The following CPXM2 variants were observed in gnomAD, a reference collection of about 807,000 sequenced individuals.
CPXM2 encodes carboxypeptidase X, M14 family member 2.
A neutral mutation model predicts 86.1 loss-of-function variants in CPXM2; 66 were observed. That is an observed-to-expected ratio of 0.77 (90% CI 0.63 to 0.94). The LOEUF is 0.94. Among genes scored for constraint, CPXM2 ranks in the 40% least tolerant of loss-of-function variants. CPXM2 has a pLI of 0.00. For synonymous variants in CPXM2, 388 were observed against 400.2 expected, an observed-to-expected ratio of 0.97 and a Z score of 0.36; for missense variants, 948 against 1,026.3, an observed-to-expected ratio of 0.92 and a Z score of 1.04.
At chr10:123,795,221 T>C (rs1014721191) in intron 6 of CPXM2, among the ~76,000 whole-genome samples, 5 of 152,162 alleles carry the variant, frequency 3.3e-5, no homozygotes, top group Non-Finnish European at 7.3e-5. Flanking sequence ...AAACTGACAG[T>C]CTGTACCCAC....
At chr10:123,932,625 C>G (rs1438634572) in intron 2 of CPXM2, among the ~76,000 whole-genome samples, 3 of 152,228 alleles carry the variant, frequency 2.0e-5, no homozygotes, top group Non-Finnish European at 4.4e-5. Flanking sequence ...CAAACTCACT[C>G]AACAGCATCT....
chr10:123,862,682 A>G lies in CPXM2; in HGVS notation c.445T>C (p.Phe149Leu), dbSNP rs1297043986. Residue 149 changes from phenylalanine to leucine, a missense_variant, in exon 3 of 14, where the codon TTC (phenylalanine) becomes CTC (leucine). Phe to Leu is a conservative substitution (Grantham distance 22). Coordinates refer to ENST00000241305, the MANE Select transcript of CPXM2 (RefSeq NM_198148.3). The part of the protein sequence containing the change: ...LGLETLKITD[F>L]QLHASTVKRY... ...TTCACCGTGGAGGCATGGAGCTGGA[A>G]GTCTGTGATTTTTAAGGTTTCCAGA... 6.2e-7 allele frequency: 1 copy of G among 1,614,006 alleles called. No homozygotes were observed. Among genetic ancestry groups the G allele is most frequent in the South Asian group, 1.1e-5 (1 of 91,066 alleles).
At chr10:123,769,667 G>A (rs1322658737) in intron 8 of CPXM2, 2 of 152,230 alleles carry the variant, frequency 1.3e-5, no homozygotes, top group Non-Finnish European at 2.9e-5. Context: ...CAGAGAACTA[G>A]CCAGGCACTT....
At chr10:123,899,836 G>A (rs886455438) in intron 2 of CPXM2, among the ~76,000 whole-genome samples, 1 of 152,100 alleles carries the variant, frequency 6.6e-6, no homozygotes, top group Non-Finnish European at 1.5e-5. Context: ...AATAGAAAGT[G>A]TATAAACATA....
At chr10:123,832,831 A>C (rs1343901089) in intron 4 of CPXM2, among the ~76,000 whole-genome samples, 1 of 151,896 alleles carries the variant, frequency 6.6e-6, no homozygotes, top group Admixed American at 6.6e-5. Flanking sequence ...CTGTCTAAAA[A>C]AAAAAAGAAG....
chr10:123,902,404 T>G (rs1250432579), intron 2 of CPXM2, among the ~76,000 whole-genome samples: 1 of 152,214 alleles, frequency 6.6e-6, no homozygotes, highest in African/African-American at 2.4e-5. Flanking sequence ...TGGTGAGAAT[T>G]TAATAAAATA....
intron 4 of CPXM2, among the ~76,000 whole-genome samples, chr10:123,809,838 T>C (rs752807552): frequency 1.3e-5 from 2 of 151,872 alleles, no homozygotes; most frequent in Non-Finnish European, 2.9e-5. Flanking sequence ...ATCAGCATAA[T>C]GGAAAAACCA....
intron 4 of CPXM2, among the ~76,000 whole-genome samples, chr10:123,812,319 G>C (rs1847711657): frequency 6.6e-6 from 1 of 152,130 alleles, no homozygotes; most frequent in Admixed American, 6.5e-5. Flanking sequence ...ATGTTGAGTG[G>C]AAAAAGACAA....
chr10:123,838,706 T>C (rs966348084), intron 4 of CPXM2, among the ~76,000 whole-genome samples: 2 of 152,174 alleles, frequency 1.3e-5, no homozygotes, highest in African/African-American at 2.4e-5. Context: ...CACGCTTAAC[T>C]AGAAAACTCA....
intron 2 of CPXM2, among the ~76,000 whole-genome samples, chr10:123,866,340 G>A (rs1848979262): frequency 1.3e-5 from 2 of 152,124 alleles, no homozygotes; most frequent in South Asian, 2.1e-4. Context: ...GAGGCAGGTG[G>A]ATCAATTGAG....
At chr10:123,751,789 G>A in intron 13 of CPXM2, 1 of 985,428 alleles carries the variant, frequency 1.0e-6, no homozygotes. Flanking sequence ...GAAAGATTCT[G>A]AAACAGAACA....
intron 13 of CPXM2, among the ~76,000 whole-genome samples, chr10:123,747,851 G>A (rs531952219): frequency 2.6e-4 from 39 of 151,470 alleles, no homozygotes; most frequent in Non-Finnish European, 4.3e-4. Context: ...GAACCCAGGA[G>A]GCGGAGGTTG....
At chr10:123,928,182 A>G (rs1241272761) in intron 2 of CPXM2, among the ~76,000 whole-genome samples, 1 of 152,166 alleles carries the variant, frequency 6.6e-6, no homozygotes, top group African/African-American at 2.4e-5. Flanking sequence ...TGAACAAGGG[A>G]GGCCACCAGA....
At chr10:123,918,002 C>A (rs1945548115) in intron 2 of CPXM2, among the ~76,000 whole-genome samples, 2 of 152,126 alleles carry the variant, frequency 1.3e-5, no homozygotes, top group Admixed American at 6.6e-5. Context: ...GACTGTAGGG[C>A]AGGTGTGAGA....
intron 4 of CPXM2, among the ~76,000 whole-genome samples, chr10:123,805,896 T>C (rs1003836209): frequency 6.6e-6 from 1 of 152,224 alleles, no homozygotes; most frequent in African/African-American, 2.4e-5. Flanking sequence ...TAATTTCTAC[T>C]ACTTCCATGG....
At chr10:123,831,432 T>C (rs745436469) in intron 4 of CPXM2, among the ~76,000 whole-genome samples, 1 of 152,244 alleles carries the variant, frequency 6.6e-6, no homozygotes, top group Non-Finnish European at 1.5e-5. Context: ...CAGCCAGGCA[T>C]AGAGGAGGCT....
intron 3 of CPXM2, among the ~76,000 whole-genome samples, chr10:123,851,788 G>A (rs796760013): frequency 6.6e-6 from 1 of 151,634 alleles, no homozygotes; most frequent in Non-Finnish European, 1.5e-5. Flanking sequence ...AAAAAAAAGG[G>A]GGCTGGGACA....
chr10:123,878,282 C>T lies in CPXM2; in HGVS notation c.403+1929G>A, dbSNP rs1463425802. The stretch of plus-strand genomic sequence containing the variant: ...TTCCCCTCCAAGGTTATCCTCGACC[C>T]CCTTTTTTTCTCTCTTTTTTTTTTT... On this transcript the variant is annotated intron_variant, in intron 2 of 13. Transcript: ENST00000241305. Among the ~76,000 whole-genome samples the T allele has an allele frequency of 3.4e-5, 5 of 149,196 alleles. No individual in the cohort carries two copies. The South Asian group carries it at 8.5e-4, about 25-fold the overall frequency.
At chr10:123,820,997 C>A (rs748877305) in intron 4 of CPXM2, among the ~76,000 whole-genome samples, 23 of 152,272 alleles carry the variant, frequency 1.5e-4, no homozygotes, top group Non-Finnish European at 3.2e-4. Context: ...AGGATTTCTG[C>A]CTACAACAAG....
Sources: gnomAD v4.1 joint callset for allele counts (sites outside exome capture counted in the v4.1 genomes callset) on GRCh38, gnomAD v4.1.1 for gene constraint, MANE v1.5 for transcripts, NCBI Gene and HGNC (gene_info 2026-07-23, HGNC 2026-07-21) for gene names.